Variants in CCDC175 observed in about 807,000 individuals in gnomAD.
CCDC175 encodes the protein coiled-coil domain containing 175, also known as coiled-coil domain-containing protein 175.
Under a neutral mutation model 114.6 loss-of-function variants are expected in CCDC175, and 100 were observed. The ratio of observed to expected loss-of-function variants is 0.87; its 90% CI spans 0.74 to 1.03. CCDC175 has a LOEUF of 1.03. CCDC175 is among the 50% of genes least tolerant of loss of function. The pLI, the probability that CCDC175 is intolerant of heterozygous loss-of-function variation, is 0.00. For missense variants in CCDC175, 880 were observed against 917.8 expected, an observed-to-expected ratio of 0.96 and a Z score of 0.53; for synonymous variants, 306 against 308.7, an observed-to-expected ratio of 0.99 and a Z score of 0.09.
At chr14:59,563,894 G>C in intron 5 of CCDC175, 35 bp from the exon 6 acceptor site, 1 of 1,319,612 alleles carries the variant, frequency 7.6e-7, no homozygotes, top group Non-Finnish European at 9.7e-7. Context: ...AATTTAAAAA[G>C]CCTATTAGCA....
chr14:59,514,507 T>G (rs954054246), intron 17 of CCDC175, among the ~76,000 whole-genome samples: 6 of 152,164 alleles, frequency 3.9e-5, no homozygotes, highest in Non-Finnish European at 5.9e-5. Context: ...GCACGAGAAC[T>G]ACATGACAAA....
At chr14:59,566,568 A>G (rs563412274) in intron 4 of CCDC175, among the ~76,000 whole-genome samples, 13 of 152,366 alleles carry the variant, frequency 8.5e-5, no homozygotes, top group Admixed American at 7.8e-4. Flanking sequence ...CTAAGAATGA[A>G]TCAACTTGAG....
intron 19 of CCDC175, 142 bp from the exon 20 acceptor site, chr14:59,505,457 T>C (rs1892293577): frequency 4.8e-6 from 2 of 417,350 alleles, no homozygotes; most frequent in Admixed American, 7.9e-5. Flanking sequence ...GGGAGGGGTG[T>C]CATGTGTCTG....
At chr14:59,539,905 C>T (rs1894662948) in intron 11 of CCDC175, among the ~76,000 whole-genome samples, 1 of 151,760 alleles carries the variant, frequency 6.6e-6, no homozygotes, top group Admixed American at 6.6e-5. Flanking sequence ...GTCTCAAAAA[C>T]AAACAAACAA....
At chr14:59,533,432 A>G (rs1807414887) in intron 13 of CCDC175, among the ~76,000 whole-genome samples, 1 of 152,222 alleles carries the variant, frequency 6.6e-6, no homozygotes, top group Non-Finnish European at 1.5e-5. Context: ...CCAATGAAAA[A>G]GGAAAGAGGG....
chr14:59,573,610 G>GT (rs201766912), intron 2 of CCDC175, among the ~76,000 whole-genome samples: 1,213 of 55,562 alleles, frequency 0.022, 12 homozygotes, highest in African/African-American at 0.069. Context: ...CTGGTTTTTT[G>GT]TTTTTTTGTT....
intron 17 of CCDC175, among the ~76,000 whole-genome samples, chr14:59,516,496 G>C (rs569444386): frequency 5.9e-5 from 9 of 152,116 alleles, no homozygotes; most frequent in African/African-American, 2.2e-4. Context: ...TATCACCACC[G>C]ATCCCACAGA....
chr14:59,556,431 C>T (rs1325088422), intron 7 of CCDC175, among the ~76,000 whole-genome samples: 1 of 152,114 alleles, frequency 6.6e-6, no homozygotes, highest in South Asian at 2.1e-4. Flanking sequence ...AAACTGGATC[C>T]CTTCTTTACA....
At chr14:59,506,805 A>G (rs1343330743) in intron 19 of CCDC175, among the ~76,000 whole-genome samples, 2 of 152,206 alleles carry the variant, frequency 1.3e-5, no homozygotes, top group South Asian at 2.1e-4. Flanking sequence ...CCTCATCACA[A>G]TAACAGAGAT....
intron 7 of CCDC175, among the ~76,000 whole-genome samples, chr14:59,556,666 G>T (rs569331801): frequency 7.2e-5 from 11 of 152,266 alleles, no homozygotes; most frequent in African/African-American, 2.4e-4. Flanking sequence ...CCATCAGAGT[G>T]AATAGGCAAC....
chr14:59,505,740 T>G (rs964333988), intron 19 of CCDC175, among the ~76,000 whole-genome samples: 1 of 152,176 alleles, frequency 6.6e-6, no homozygotes, highest in African/African-American at 2.4e-5. Context: ...AAATCAACCC[T>G]TGTCTTTGTT....
chr14:59,522,651 C>A (rs115869508), intron 16 of CCDC175, among the ~76,000 whole-genome samples: 1,849 of 152,310 alleles, frequency 0.012, 29 homozygotes, highest in African/African-American at 0.043. Flanking sequence ...CTGTTCACAG[C>A]CCCTAATCTT....
Position 59,575,139 on chromosome 14 carries a change from T to A in CCDC175, c.158-111A>T. 3 of 576,854 alleles carry A rather than the reference T, an allele frequency of 5.2e-6. No homozygotes were observed. In the East Asian group the frequency reaches 8.5e-5, roughly 16 times the overall value. The allele number at this position is 576,854 out of a possible 1,614,324, so 35.7% of individuals were successfully genotyped here. On this transcript the variant is annotated intron_variant, in intron 1 of 19. Transcript: ENST00000537690. The stretch of plus-strand genomic sequence containing the variant: ...TCGGCTGGAAGTTACATCTTCAGTC[T>A]CTGAATTTTTATTGTACATTACACT...
At chr14:59,519,275 C>T (rs1461344416) in intron 17 of CCDC175, among the ~76,000 whole-genome samples, 2 of 151,806 alleles carry the variant, frequency 1.3e-5, no homozygotes, top group Admixed American at 1.3e-4. Flanking sequence ...ATGTAACTAA[C>T]CTGCACATTG....
chr14:59,506,135 T>G (rs1165188297), intron 19 of CCDC175, among the ~76,000 whole-genome samples: 1 of 152,128 alleles, frequency 6.6e-6, no homozygotes, highest in Non-Finnish European at 1.5e-5. Flanking sequence ...ATTTAATAAC[T>G]ACCTTGTTAT....
intron 10 of CCDC175, 120 bp from the exon 11 acceptor site, chr14:59,540,866 C>T (rs948247793): frequency 2.4e-6 from 2 of 826,690 alleles, no homozygotes. Flanking sequence ...ACAAAATAAG[C>T]CTTGTGAAAC....
Position 59,576,784 on chromosome 14 carries a change from T to G in CCDC175, c.-9A>C. On this transcript the variant is annotated 5_prime_UTR_variant, in exon 1 of 20. Coordinates refer to ENST00000537690, the MANE Select transcript of CCDC175 (RefSeq NM_001164399.2). Reference sequence around the variant, plus strand: ...CAGGGGCTCAGGGCCATTTTGCCGCTCTACTTGAGCGCCTCCTAAGCCAGA... The same window carrying G: ...CAGGGGCTCAGGGCCATTTTGCCGCGCTACTTGAGCGCCTCCTAAGCCAGA... 7.0e-7 allele frequency: 1 copy of G among 1,431,422 alleles called. No individual in the cohort carries two copies. The highest frequency in any genetic ancestry group is 9.1e-7 in the Non-Finnish European group (1 of 1,103,562). The allele number at this position is 1,431,422 out of a possible 1,614,324, so 88.7% of individuals were successfully genotyped here.
chr14:59,561,462 C>T (rs918503297), intron 6 of CCDC175, among the ~76,000 whole-genome samples: 2 of 152,054 alleles, frequency 1.3e-5, no homozygotes, highest in Non-Finnish European at 2.9e-5. Flanking sequence ...CTAAATACAG[C>T]AGTGAGAATG....
At chr14:59,547,031 G>A (rs1216793605) in intron 8 of CCDC175, among the ~76,000 whole-genome samples, 2 of 152,102 alleles carry the variant, frequency 1.3e-5, no homozygotes, top group African/African-American at 2.4e-5. Context: ...CTTGAGCCCA[G>A]GAGTTAGAGA....
Sources: allele counts gnomAD v4.1 joint callset (sites outside exome capture counted in the v4.1 genomes callset), GRCh38; gene constraint gnomAD v4.1.1; transcripts MANE v1.5; gene names NCBI Gene and HGNC (gene_info 2026-07-23, HGNC 2026-07-21).